The following CFAP299 variants were observed in gnomAD, a reference collection of about 807,000 sequenced individuals.
CFAP299 encodes the protein cilia and flagella associated protein 299, also known as cilia- and flagella-associated protein 299.
CFAP299 carries 21 observed loss-of-function variants against 27.0 expected under a neutral mutation model. That is an observed-to-expected ratio of 0.78 (90% CI 0.55 to 1.12). The LOEUF is 1.12. CFAP299 is among the 50% of genes most tolerant of loss of function. The pLI is 0.00. For missense variants in CFAP299, 310 were observed against 276.6 expected (o/e 1.12, Z -0.86); for synonymous variants, 104 against 98.1 (o/e 1.06, Z -0.36).
intron 3 of CFAP299, among the ~76,000 whole-genome samples, chr4:80,691,668 A>G (rs2110016829): frequency 6.6e-6 from 1 of 150,606 alleles, no homozygotes; most frequent in African/African-American, 2.4e-5. Flanking sequence ...ACTCCTATTC[A>G]ACATAGTGTT....
At chr4:80,894,181 T>G (rs58095515) in intron 4 of CFAP299, among the ~76,000 whole-genome samples, 2,410 of 152,040 alleles carry the variant, frequency 0.016, 65 homozygotes, top group African/African-American at 0.055. Context: ...ACCTCACACT[T>G]GTTAGAATGG....
intron 3 of CFAP299, among the ~76,000 whole-genome samples, chr4:80,849,314 A>G (rs1731366316): frequency 6.6e-6 from 1 of 152,204 alleles, no homozygotes; most frequent in Non-Finnish European, 1.5e-5. Context: ...TGGGACCCCC[A>G]TGGTGCATGA....
chr4:80,388,144 G>C lies in CFAP299; in HGVS notation c.242+25260G>C, dbSNP rs141883327. On this transcript the variant is annotated intron_variant, in intron 2 of 5. Transcript: ENST00000358105. ...TGGGATGCCCAGGGGGGCCCAGGCT[G>C]TGGGGTGGAGGTGGTGAGGGCAGTG... The C allele has an allele frequency of 2.1e-3, 1,407 of 672,420 alleles. 19 individuals are homozygous for C. The African/African-American group carries it at 0.023, about 11-fold the overall frequency. 41.7% of individuals were successfully genotyped at this position (672,420 alleles called of 1,614,324 possible).
At chr4:80,738,465 C>A (rs1316089023) in intron 3 of CFAP299, among the ~76,000 whole-genome samples, 2 of 151,924 alleles carry the variant, frequency 1.3e-5, no homozygotes, top group Non-Finnish European at 2.9e-5. Flanking sequence ...TGAACTGAAC[C>A]CTTTAACATT....
chr4:80,369,581 A>C (rs904031267), intron 2 of CFAP299, among the ~76,000 whole-genome samples: 1 of 152,118 alleles, frequency 6.6e-6, no homozygotes, highest in South Asian at 2.1e-4. Flanking sequence ...TGAGTTAGCC[A>C]TGTATTCTTC....
At chr4:80,387,457 G>T in intron 2 of CFAP299, 2 of 831,100 alleles carry the variant, frequency 2.4e-6, no homozygotes, top group East Asian at 2.4e-5. Context: ...CTACCTGCTT[G>T]GGTTTCCGGC....
intron 1 of CFAP299, among the ~76,000 whole-genome samples, 199 bp from the exon 2 acceptor site, chr4:80,362,555 A>T (rs1463207109): frequency 6.6e-6 from 1 of 152,062 alleles, no homozygotes; most frequent in Non-Finnish European, 1.5e-5. Flanking sequence ...AGGGAAGACC[A>T]AATCAGATGT....
At chr4:80,929,554 G>T (rs1414894065) in intron 4 of CFAP299, among the ~76,000 whole-genome samples, 1 of 152,134 alleles carries the variant, frequency 6.6e-6, no homozygotes, top group African/African-American at 2.4e-5. Context: ...TTCTATAATT[G>T]CTATCTTCTA....
At chr4:80,608,256 A>C (rs1281121900) in intron 3 of CFAP299, 4 of 948,118 alleles carry the variant, frequency 4.2e-6, no homozygotes, top group Non-Finnish European at 6.4e-6. Context: ...GGTGGGGTTC[A>C]AGCTATACTT....
chr4:80,797,611 T>C (rs1023457209), intron 3 of CFAP299, among the ~76,000 whole-genome samples: 2 of 152,166 alleles, frequency 1.3e-5, no homozygotes, highest in East Asian at 3.9e-4. Flanking sequence ...ATTCCCATTG[T>C]ATTTAAATTT....
rs370968500 is a variant in CFAP299 at position 80,614,093 on chromosome 4, G to A, written c.333+30910G>A. Among the ~76,000 whole-genome samples, 430 of 152,206 alleles carry A rather than the reference G, an allele frequency of 2.8e-3. 27 individuals are homozygous for A. In the South Asian group the frequency reaches 0.086, roughly 31 times the overall value. The stretch of plus-strand genomic sequence containing the variant: ...GCTTTGTCTGTTAAGGACACTTCCA[G>A]TTTTGTATTCCCCTTTTCATTTCTG... On this transcript the variant is annotated intron_variant, in intron 3 of 5. Coordinates refer to ENST00000358105, the MANE Select transcript of CFAP299 (RefSeq NM_152770.3).
chr4:80,642,388 A>G (rs1240844324), intron 3 of CFAP299, among the ~76,000 whole-genome samples: 2 of 152,234 alleles, frequency 1.3e-5, no homozygotes, highest in Non-Finnish European at 2.9e-5. Context: ...AATTAATTCC[A>G]TTTAGGCATT....
chr4:80,641,114 A>G (rs1739700572), intron 3 of CFAP299, among the ~76,000 whole-genome samples: 1 of 152,218 alleles, frequency 6.6e-6, no homozygotes, highest in Non-Finnish European at 1.5e-5. Context: ...CTGAATATGT[A>G]TATGCAGATA....
intron 2 of CFAP299, among the ~76,000 whole-genome samples, chr4:80,509,350 G>A (rs2110161439): frequency 6.6e-6 from 1 of 152,282 alleles, no homozygotes; most frequent in East Asian, 1.9e-4. Context: ...GTGGAATTAA[G>A]CTGTTCTCTG....
chr4:80,719,819 C>T (rs1722713187), intron 3 of CFAP299, among the ~76,000 whole-genome samples: 3 of 152,192 alleles, frequency 2.0e-5, no homozygotes, highest in African/African-American at 7.2e-5. Flanking sequence ...CTATGTAAGG[C>T]ACTTCTCCTG....
At chr4:80,362,516 A>T (rs956455038) in intron 1 of CFAP299, among the ~76,000 whole-genome samples, 2 of 150,972 alleles carry the variant, frequency 1.3e-5, no homozygotes, top group African/African-American at 2.4e-5. Flanking sequence ...AGCAATTGAC[A>T]TTTTTTTTTC....
chr4:80,923,012 A>G (rs1187117488), intron 4 of CFAP299, among the ~76,000 whole-genome samples: 1 of 151,968 alleles, frequency 6.6e-6, no homozygotes, highest in African/African-American at 2.4e-5. Context: ...AATATGTGCT[A>G]TGTAATCAGC....
rs538128535 is a variant in CFAP299 at position 80,691,544 on chromosome 4, C to CA, written c.333+108365dup. 3.6e-3 allele frequency among the ~76,000 whole-genome samples: 553 copies of CA among 152,154 alleles called. 1 individual carries two copies. Among genetic ancestry groups the CA allele is most frequent in the Admixed American group, 0.013 (205 of 15,284 alleles). ...AATTAGGTATTGATGGGACGTATTT[C>CA]AAAATAATAGGAGCTATCTATGACA... On this transcript the variant is annotated intron_variant, in intron 3 of 5. Coordinates refer to ENST00000358105, the MANE Select transcript of CFAP299 (RefSeq NM_152770.3).
At chr4:80,643,138 A>G (rs778179526) in intron 3 of CFAP299, among the ~76,000 whole-genome samples, 1 of 152,132 alleles carries the variant, frequency 6.6e-6, no homozygotes, top group Non-Finnish European at 1.5e-5. Context: ...CTCTAAATAA[A>G]TAAATAAATA....
Sources: allele counts gnomAD v4.1 joint callset (sites outside exome capture counted in the v4.1 genomes callset), GRCh38; gene constraint gnomAD v4.1.1; transcripts MANE v1.5; gene names NCBI Gene and HGNC (gene_info 2026-07-23, HGNC 2026-07-21).